The following RIMS1 variants were observed in gnomAD, a reference collection of about 807,000 sequenced individuals.
RIMS1 encodes the protein regulating synaptic membrane exocytosis 1.
In RIMS1, 83 loss-of-function variants were observed where a neutral mutation model predicts 214.1. The observed-to-expected ratio is 0.39, with a 90% CI of 0.32 to 0.47. The LOEUF is 0.47. Among genes scored for constraint, RIMS1 ranks in the 20% least tolerant of loss-of-function variants. The pLI, the probability that RIMS1 is intolerant of heterozygous loss-of-function variation, is 0.99. For missense variants in RIMS1, 2,050 were observed against 2,161.8 expected (o/e 0.95, Z 1.03); for synonymous variants, 793 against 786.8 (o/e 1.01, Z -0.13).
chr6:72,283,743 C>T (rs957285082), intron 23 of RIMS1, among the ~76,000 whole-genome samples: 2 of 152,032 alleles, frequency 1.3e-5, no homozygotes, highest in South Asian at 2.1e-4. Context: ...CAGCAGAGGC[C>T]GAGTTGCTCA....
chr6:72,387,737 T>C (rs1554635403), intron 29 of RIMS1, among the ~76,000 whole-genome samples: 1 of 152,154 alleles, frequency 6.6e-6, no homozygotes. Context: ...GGAGTATAAA[T>C]CACTACAATG....
chr6:72,354,334 T>A (rs2097559516), intron 29 of RIMS1, among the ~76,000 whole-genome samples: 1 of 152,226 alleles, frequency 6.6e-6, no homozygotes, highest in South Asian at 2.1e-4. Flanking sequence ...ATTCTAGCTC[T>A]TAAGCTAGAA....
At chr6:71,897,672 AT>A (rs928018662) in intron 1 of RIMS1, among the ~76,000 whole-genome samples, 1 of 151,940 alleles carries the variant, frequency 6.6e-6, no homozygotes, top group Non-Finnish European at 1.5e-5. Context: ...GTTTTATTTG[AT>A]TTTTCTATAA....
At chr6:72,107,080 G>A (rs1020098527) in intron 4 of RIMS1, among the ~76,000 whole-genome samples, 3 of 152,180 alleles carry the variant, frequency 2.0e-5, no homozygotes, top group Non-Finnish European at 4.4e-5. Flanking sequence ...TCCATGCAGA[G>A]TGCTCCCTGA....
chr6:71,935,484 G>C (rs1784178346), intron 1 of RIMS1, among the ~76,000 whole-genome samples: 2 of 152,166 alleles, frequency 1.3e-5, no homozygotes, highest in African/African-American at 4.8e-5. Flanking sequence ...ATTAAAATCT[G>C]TTAAAAATGT....
chr6:72,226,461 A>T (rs2060218880), intron 6 of RIMS1, among the ~76,000 whole-genome samples: 1 of 152,104 alleles, frequency 6.6e-6, no homozygotes, highest in Admixed American at 6.6e-5. Context: ...AAGCCCCATT[A>T]TCTACGGTAT....
intron 1 of RIMS1, 68 bp downstream of exon 1, chr6:71,887,255 C>A: frequency 6.5e-7 from 1 of 1,539,694 alleles, no homozygotes; most frequent in South Asian, 1.2e-5. Flanking sequence ...ACTCACTCCC[C>A]TAGTCCTCGC....
chr6:72,129,728 T>C (rs955205902), intron 4 of RIMS1, among the ~76,000 whole-genome samples: 1 of 152,024 alleles, frequency 6.6e-6, no homozygotes, highest in Non-Finnish European at 1.5e-5. Flanking sequence ...CAGAGAAAAC[T>C]GCTAAAAAAA....
At position 72,217,033 on chromosome 6, in the gene RIMS1, G is replaced by A. The variant is rs2056399617; in HGVS notation, c.1679-16740G>A. 8.4e-6 allele frequency: 12 copies of A among 1,435,650 alleles called. No individual in the cohort carries two copies. In the East Asian group the frequency reaches 2.8e-4, roughly 34 times the overall value. 88.9% of individuals were successfully genotyped at this position (1,435,650 alleles called of 1,614,324 possible). ...ATGTTGGACACTGCAGGCTTTTTTG[G>A]CTTTGATTTAGAATGCAAGGACCAC... On this transcript the variant is annotated intron_variant, in intron 6 of 33. Coordinates refer to ENST00000521978, the MANE Select transcript of RIMS1 (RefSeq NM_014989.7).
chr6:72,069,985 A>G (rs1830219038), intron 2 of RIMS1, among the ~76,000 whole-genome samples: 1 of 152,252 alleles, frequency 6.6e-6, no homozygotes, highest in Non-Finnish European at 1.5e-5. Context: ...AAATTATGTT[A>G]TCAATAGTTT....
chr6:72,242,502 G>C, intron 10 of RIMS1, 65 bp downstream of exon 10: 1 of 1,192,650 alleles, frequency 8.4e-7, no homozygotes, highest in East Asian at 2.6e-5. Context: ...GTTTTAAAAA[G>C]AATTTTATAC....
chr6:72,203,174 A>T (rs2052333957), intron 6 of RIMS1, among the ~76,000 whole-genome samples: 1 of 151,978 alleles, frequency 6.6e-6, no homozygotes, highest in East Asian at 1.9e-4. Context: ...TTTTTAATAG[A>T]GGCGGGGTTT....
chr6:72,262,026 T>C (rs898219539), intron 19 of RIMS1: 2 of 984,698 alleles, frequency 2.0e-6, no homozygotes, highest in African/African-American at 3.5e-5. Context: ...CCTCTTGATG[T>C]GACTAAAGCT....
intron 29 of RIMS1, among the ~76,000 whole-genome samples, chr6:72,357,470 T>C (rs1188862705): frequency 1.3e-5 from 2 of 152,212 alleles, no homozygotes; most frequent in African/African-American, 4.8e-5. Flanking sequence ...TCTGTATTTA[T>C]GTTTACTTGT....
At chr6:72,333,411 T>C (rs1171252700) in intron 28 of RIMS1, among the ~76,000 whole-genome samples, 189 bp from the exon 29 acceptor site, 1 of 151,898 alleles carries the variant, frequency 6.6e-6, no homozygotes, top group Non-Finnish European at 1.5e-5. Flanking sequence ...TTTTAAGCCA[T>C]GTCTAGTAAT....
intron 4 of RIMS1, among the ~76,000 whole-genome samples, chr6:72,120,166 C>T (rs555166531): frequency 2.0e-5 from 3 of 151,848 alleles, no homozygotes; most frequent in Non-Finnish European, 4.4e-5. Flanking sequence ...TGGGTATATA[C>T]CCAGTAATGG....
intron 9 of RIMS1, among the ~76,000 whole-genome samples, chr6:72,239,386 A>G (rs2065705521): frequency 6.6e-6 from 1 of 152,174 alleles, no homozygotes; most frequent in Non-Finnish European, 1.5e-5. Flanking sequence ...GCTCAACTTA[A>G]AGAACTATAA....
intron 4 of RIMS1, among the ~76,000 whole-genome samples, chr6:72,131,967 T>C (rs943684723): frequency 6.6e-6 from 1 of 152,228 alleles, no homozygotes; most frequent in African/African-American, 2.4e-5. Context: ...TATGGCTCTG[T>C]TCTGCCCAGC....
In RIMS1 at chr6:72,336,007, A is replaced by C. The variant is rs190873694; in HGVS notation, c.4366+2172A>C. ...GATGGATAGATTTTATTGGTATTGAAGTAATTCTTTACAGCATGAGGTGGT... is the reference window on the plus strand; with the variant it reads ...GATGGATAGATTTTATTGGTATTGACGTAATTCTTTACAGCATGAGGTGGT... On this transcript the variant is annotated intron_variant, in intron 29 of 33. Coordinates refer to ENST00000521978, the MANE Select transcript of RIMS1 (RefSeq NM_014989.7). 8.6e-5 allele frequency among the ~76,000 whole-genome samples: 13 copies of C among 151,824 alleles called. No individual in the cohort carries two copies. In the East Asian group the frequency reaches 2.3e-3, roughly 27 times the overall value.
Sources: gnomAD v4.1 joint callset for allele counts (sites outside exome capture counted in the v4.1 genomes callset) on GRCh38, gnomAD v4.1.1 for gene constraint, MANE v1.5 for transcripts, NCBI Gene and HGNC (gene_info 2026-07-23, HGNC 2026-07-21) for gene names.